The following MARCHF1 variants were observed in gnomAD, a reference collection of about 807,000 sequenced individuals.
MARCHF1 encodes membrane associated ring-CH-type finger 1.
A neutral mutation model predicts 54.2 loss-of-function variants in MARCHF1; 40 were observed. That is an observed-to-expected ratio of 0.74 (90% CI 0.57 to 0.96). The LOEUF is 0.96. Ranked by LOEUF, MARCHF1 falls within the 40% of genes least tolerant of loss-of-function variation. The pLI is 0.00. For missense variants in MARCHF1, 586 were observed against 656.5 expected (o/e 0.89, Z 1.17); for synonymous variants, 236 against 236.3 (o/e 1.00, Z 0.01).
At chr4:163,721,907 G>T (rs1358761138) in intron 4 of MARCHF1, among the ~76,000 whole-genome samples, 1 of 151,998 alleles carries the variant, frequency 6.6e-6, no homozygotes, top group Non-Finnish European at 1.5e-5. Flanking sequence ...GCGCCTATTT[G>T]ATGCTTCTCT....
At chr4:163,717,361 G>A (rs28875839) in intron 4 of MARCHF1, among the ~76,000 whole-genome samples, 1 of 151,848 alleles carries the variant, frequency 6.6e-6, no homozygotes, top group South Asian at 2.1e-4. Context: ...ATTCCAGGGT[G>A]TATATGTGCC....
In MARCHF1 at chr4:164,043,643, C is replaced by T. The variant is rs10212637; in HGVS notation, c.-247-54934G>A. Among the ~76,000 whole-genome samples, 149 of 152,286 alleles carry T rather than the reference C, an allele frequency of 9.8e-4. 1 individual carries two copies. The highest frequency in any genetic ancestry group is 3.2e-3 in the African/African-American group (132 of 41,560). ...GCTATTATCATGTGGGTCTTTGTCACTTATGCAAACTTCTACAGCCAGTTT... is the reference window on the plus strand; with the variant it reads ...GCTATTATCATGTGGGTCTTTGTCATTTATGCAAACTTCTACAGCCAGTTT... On this transcript the variant is annotated intron_variant, in intron 2 of 9. Transcript: ENST00000514618.
chr4:163,888,125 G>T (rs573116695), intron 3 of MARCHF1, among the ~76,000 whole-genome samples: 1 of 152,106 alleles, frequency 6.6e-6, no homozygotes, highest in African/African-American at 2.4e-5. Context: ...CCCATGACAC[G>T]TGTATACCTA....
chr4:163,811,414 A>C (rs1412842787), intron 4 of MARCHF1, among the ~76,000 whole-genome samples: 2 of 152,136 alleles, frequency 1.3e-5, no homozygotes, highest in Non-Finnish European at 1.5e-5. Flanking sequence ...GTGCACCTAT[A>C]GTCCCAGCTA....
At chr4:164,040,814 T>C (rs1579483394) in intron 2 of MARCHF1, among the ~76,000 whole-genome samples, 1 of 152,060 alleles carries the variant, frequency 6.6e-6, no homozygotes, top group Non-Finnish European at 1.5e-5. Context: ...ACTTCCAGTA[T>C]AAAAATCAAA....
At chr4:163,761,034 T>A (rs10517788) in intron 4 of MARCHF1, among the ~76,000 whole-genome samples, 2,050 of 152,256 alleles carry the variant, frequency 0.013, 24 homozygotes, top group African/African-American at 0.028. Flanking sequence ...ATACACCCAA[T>A]GAGATAAACA....
chr4:163,965,356 T>C (rs1156653062), intron 3 of MARCHF1, among the ~76,000 whole-genome samples: 1 of 151,200 alleles, frequency 6.6e-6, no homozygotes, highest in East Asian at 2.0e-4. Context: ...AATCAATTCA[T>C]TGAATCCTCA....
At chr4:163,890,766 C>A (rs1198039305) in intron 3 of MARCHF1, among the ~76,000 whole-genome samples, 1 of 152,056 alleles carries the variant, frequency 6.6e-6, no homozygotes, top group Non-Finnish European at 1.5e-5. Context: ...GCCTTGGCCT[C>A]CCAAAGTGCT....
At chr4:164,031,120 G>A (rs1024155835) in intron 2 of MARCHF1, among the ~76,000 whole-genome samples, 4 of 152,158 alleles carry the variant, frequency 2.6e-5, no homozygotes, top group Admixed American at 2.6e-4. Flanking sequence ...GCATAGGAGT[G>A]GTGACAGAAG....
rs1401631785 is a variant in MARCHF1 at position 164,064,657 on chromosome 4, C to T, written c.-248+46931G>A. On this transcript the variant is annotated intron_variant, in intron 2 of 9. Transcript: ENST00000514618. ...CCTTTATTTCTTTCTGTTGCCTGAT[C>T]GCCCTGGCCAGAACTTCCAATACTT... Among the ~76,000 whole-genome samples, 6 of 152,086 alleles carry T rather than the reference C, an allele frequency of 3.9e-5. No homozygotes were observed. The East Asian group carries it at 9.6e-4, about 24-fold the overall frequency.
chr4:164,149,083 G>T (rs1027124351), intron 1 of MARCHF1, among the ~76,000 whole-genome samples: 1 of 152,140 alleles, frequency 6.6e-6, no homozygotes, highest in African/African-American at 2.4e-5. Flanking sequence ...TGTAAAATCT[G>T]ATTGTTTAAA....
At chr4:163,911,325 G>A (rs911090239) in intron 3 of MARCHF1, among the ~76,000 whole-genome samples, 1 of 152,238 alleles carries the variant, frequency 6.6e-6, no homozygotes, top group East Asian at 1.9e-4. Flanking sequence ...TGGAACACAC[G>A]AAGCACACTT....
intron 4 of MARCHF1, among the ~76,000 whole-genome samples, chr4:163,787,999 T>C (rs1011817611): frequency 2.6e-5 from 4 of 151,984 alleles, no homozygotes; most frequent in Non-Finnish European, 4.4e-5. Context: ...ATTGTATACT[T>C]TGACGTATCT....
At chr4:164,107,482 C>T (rs148826408) in intron 2 of MARCHF1, among the ~76,000 whole-genome samples, 133 of 152,214 alleles carry the variant, frequency 8.7e-4, no homozygotes, top group Middle Eastern at 3.4e-3. Context: ...CCCCACTCAG[C>T]ATCCCAAGCA....
chr4:163,709,705 A>C (rs2111252499), intron 4 of MARCHF1, among the ~76,000 whole-genome samples: 1 of 152,346 alleles, frequency 6.6e-6, no homozygotes, highest in East Asian at 1.9e-4. Context: ...AAAAATCACA[A>C]GATTTGTAGT....
chr4:163,813,326 G>T (rs1472971109), intron 4 of MARCHF1, among the ~76,000 whole-genome samples: 1 of 152,076 alleles, frequency 6.6e-6, no homozygotes, highest in African/African-American at 2.4e-5. Context: ...CAATTTCTTT[G>T]TATGTTAGTC....
chr4:164,347,113 A>G lies in MARCHF1; in HGVS notation c.-323+36757T>C, dbSNP rs374216920. On this transcript the variant is annotated intron_variant, in intron 1 of 9. Transcript: ENST00000514618. ...CAAACACATTGAACTGAATCCGGCC[A>G]TAGTTGGTACTCCACATTTGCCAAA... is the stretch of plus-strand genomic sequence containing the variant. Among the ~76,000 whole-genome samples, 261 of 152,250 alleles carry G rather than the reference A, an allele frequency of 1.7e-3. 1 individual carries two copies. Among genetic ancestry groups the G allele is most frequent in the African/African-American group, 5.9e-3 (245 of 41,560 alleles).
At chr4:163,952,020 T>C (rs1726752092) in intron 3 of MARCHF1, among the ~76,000 whole-genome samples, 1 of 152,220 alleles carries the variant, frequency 6.6e-6, no homozygotes, top group Admixed American at 6.5e-5. Context: ...ATTTCTTAAA[T>C]GTTGAGAAGT....
chr4:164,011,440 T>C (rs930835289), intron 2 of MARCHF1, among the ~76,000 whole-genome samples: 2 of 152,072 alleles, frequency 1.3e-5, no homozygotes, highest in African/African-American at 2.4e-5. Context: ...AGTAACTCAA[T>C]TAAAAACTGG....
Sources: allele counts gnomAD v4.1 joint callset (sites outside exome capture counted in the v4.1 genomes callset), GRCh38; gene constraint gnomAD v4.1.1; transcripts MANE v1.5; gene names NCBI Gene and HGNC (gene_info 2026-07-23, HGNC 2026-07-21).